Variants in TASP1 observed in about 807,000 individuals in gnomAD.
TASP1 encodes the protein threonine aspartase 1.
TASP1 carries 16 observed loss-of-function variants against 56.6 expected under a neutral mutation model. The observed-to-expected ratio is 0.28, with a 90% confidence interval of 0.19 to 0.43. The LOEUF is 0.43. Ranked by LOEUF, TASP1 falls within the 20% of genes least tolerant of loss-of-function variation. The pLI, the probability that TASP1 is intolerant of heterozygous loss-of-function variation, is 1.00. For synonymous variants in TASP1, 179 were observed against 184.2 expected, an observed-to-expected ratio of 0.97 and a Z score of 0.23; for missense variants, 393 against 511.6, an observed-to-expected ratio of 0.77 and a Z score of 2.24.
At chr20:13,550,091 A>G (rs903041823) in intron 8 of TASP1, among the ~76,000 whole-genome samples, 2 of 151,034 alleles carry the variant, frequency 1.3e-5, no homozygotes, top group Admixed American at 6.6e-5. Context: ...TCTCCTAGGT[A>G]TTGAATCTTT....
At chr20:13,419,597 T>A (rs1281927926) in intron 12 of TASP1, among the ~76,000 whole-genome samples, 1 of 152,160 alleles carries the variant, frequency 6.6e-6, no homozygotes, top group Non-Finnish European at 1.5e-5. Flanking sequence ...ACTGCATTGC[T>A]CAACACTAAA....
chr20:13,451,536 A>G (rs1283064412), intron 11 of TASP1, among the ~76,000 whole-genome samples: 2 of 152,066 alleles, frequency 1.3e-5, no homozygotes, highest in African/African-American at 4.8e-5. Context: ...TTATGGAGGC[A>G]GCTTCTTTCC....
At chr20:13,534,416 G>T (rs987329157) in intron 8 of TASP1, among the ~76,000 whole-genome samples, 1 of 151,496 alleles carries the variant, frequency 6.6e-6, no homozygotes, top group Admixed American at 6.6e-5. Context: ...TGGAGGAAAT[G>T]TCACAATTTA....
chr20:13,164,697 C>A, the TASP1 span: 6 of 1,363,498 alleles, frequency 4.4e-6, no homozygotes, highest in Admixed American at 1.8e-5. Context: ...CTGGGCTCTG[C>A]AAAGCAGGGC....
At chr20:13,458,718 C>T (rs1188016665) in intron 11 of TASP1, among the ~76,000 whole-genome samples, 1 of 152,140 alleles carries the variant, frequency 6.6e-6, no homozygotes, top group African/African-American at 2.4e-5. Flanking sequence ...TCCAGCTGGG[C>T]TCCATCCCAG....
chr20:13,312,953 A>G, the TASP1 span, among the ~76,000 whole-genome samples: 1 of 152,000 alleles, frequency 6.6e-6, no homozygotes, highest in Non-Finnish European at 1.5e-5. Context: ...CCTTACCTAC[A>G]CCAAAGGAGC....
chr20:13,256,882 G>C, the TASP1 span, among the ~76,000 whole-genome samples: 1 of 152,142 alleles, frequency 6.6e-6, no homozygotes, highest in African/African-American at 2.4e-5. Flanking sequence ...TTTGAGCAAG[G>C]CTGGCATGGA....
At chr20:13,347,277 A>G in the TASP1 span, among the ~76,000 whole-genome samples, 7 of 152,212 alleles carry the variant, frequency 4.6e-5, no homozygotes, top group East Asian at 1.3e-3. Flanking sequence ...CTAAGGAGGA[A>G]GTGCCCACTG....
intron 11 of TASP1, among the ~76,000 whole-genome samples, chr20:13,455,944 G>A (rs2208207): frequency 0.35 from 53,841 of 151,978 alleles, 10,351 homozygotes; most frequent in Non-Finnish European, 0.43. Flanking sequence ...CTCTCCACTC[G>A]CCAGGTGCCA....
intron 6 of TASP1, among the ~76,000 whole-genome samples, chr20:13,576,342 G>GAAGA (rs71188165): frequency 0.12 from 15,276 of 131,322 alleles, 923 homozygotes; most frequent in Admixed American, 0.13. Context: ...AGAAAGAAAG[G>GAAGA]AAGAAAGAAA....
chr20:13,298,797 C>A, the TASP1 span: 1 of 725,396 alleles, frequency 1.4e-6, no homozygotes, highest in Non-Finnish European at 2.3e-6. Flanking sequence ...GGCTCTAGGA[C>A]AGGAGTTGTT....
chr20:13,520,525 C>T (rs774419435), intron 10 of TASP1, among the ~76,000 whole-genome samples: 5 of 151,976 alleles, frequency 3.3e-5, no homozygotes, highest in Admixed American at 6.6e-5. Flanking sequence ...AATGGGGAAA[C>T]GATTCCCTAT....
chr20:13,602,656 AT>A (rs1330682953), intron 4 of TASP1, among the ~76,000 whole-genome samples: 1 of 152,136 alleles, frequency 6.6e-6, no homozygotes, highest in Non-Finnish European at 1.5e-5. Context: ...ATCATCAGGC[AT>A]TAGATTCTTA....
At chr20:13,200,496 C>G in the TASP1 span, among the ~76,000 whole-genome samples, 1 of 152,096 alleles carries the variant, frequency 6.6e-6, no homozygotes, top group African/African-American at 2.4e-5. Context: ...TGAAGTTTCT[C>G]TCTCTCTCTC....
At chr20:13,160,499 A>G in the TASP1 span, among the ~76,000 whole-genome samples, 1 of 152,240 alleles carries the variant, frequency 6.6e-6, no homozygotes, top group Non-Finnish European at 1.5e-5. Context: ...TAAATCTGCC[A>G]TAATAAAATA....
chr20:13,329,593 A>G, the TASP1 span, among the ~76,000 whole-genome samples: 1 of 152,198 alleles, frequency 6.6e-6, no homozygotes, highest in Non-Finnish European at 1.5e-5. Context: ...GCTTACAAAT[A>G]CAAACAACTT....
intron 10 of TASP1, among the ~76,000 whole-genome samples, chr20:13,521,480 T>C (rs2044752365): frequency 6.6e-6 from 1 of 152,204 alleles, no homozygotes; most frequent in Non-Finnish European, 1.5e-5. Context: ...TTTAGGGACA[T>C]GGATGAAGCT....
chr20:13,389,074 TGTGGC>T (rs1403566118), downstream of TASP1, among the ~76,000 whole-genome samples: 1 of 152,264 alleles, frequency 6.6e-6, no homozygotes, highest in Non-Finnish European at 1.5e-5. Flanking sequence ...GGTTTTCTTA[TGTGGC>T]TCCAGAATCC....
At chr20:13,243,403 A>T in the TASP1 span, among the ~76,000 whole-genome samples, 1 of 152,158 alleles carries the variant, frequency 6.6e-6, no homozygotes, top group Non-Finnish European at 1.5e-5. Context: ...GTATTCCCTG[A>T]TAAGGGTTGC....
Sources: allele counts gnomAD v4.1 joint callset (sites outside exome capture counted in the v4.1 genomes callset), GRCh38; gene constraint gnomAD v4.1.1; transcripts MANE v1.5; gene names NCBI Gene and HGNC (gene_info 2026-07-23, HGNC 2026-07-21).